The following ARHGAP26 variants were observed in gnomAD, a reference collection of about 807,000 sequenced individuals.
The protein encoded by ARHGAP26 is rho GTPase-activating protein 26.
ARHGAP26 carries 38 observed loss-of-function variants against 104.8 expected under a neutral mutation model. That is an observed-to-expected ratio of 0.36 (90% confidence interval 0.28 to 0.48). The LOEUF (loss-of-function observed/expected upper bound fraction) is 0.48, where lower values mean the gene tolerates loss of function less well. Ranked by LOEUF, ARHGAP26 falls within the 20% of genes least tolerant of loss-of-function variation. ARHGAP26 has a pLI of 0.99. For missense variants in ARHGAP26, 704 were observed against 947.9 expected, an observed-to-expected ratio of 0.74 and a Z score of 3.38; for synonymous variants, 341 against 340.0, an observed-to-expected ratio of 1.00 and a Z score of -0.03.
chr5:142,919,427 A>C (rs984596975), intron 10 of ARHGAP26: 1 of 398,442 alleles, frequency 2.5e-6, no homozygotes, highest in African/African-American at 2.1e-5. Context: ...TGAAGCAATA[A>C]ATTTCTGTTG....
chr5:142,932,191 G>T (rs999993269), intron 11 of ARHGAP26, 66 bp downstream of exon 11: 32 of 1,473,676 alleles, frequency 2.2e-5, no homozygotes, highest in Non-Finnish European at 3.0e-5. Flanking sequence ...CTTCCCTAGT[G>T]CAGTGATTTT....
intron 13 of ARHGAP26, 75 bp from the exon 14 acceptor site, chr5:143,041,741 A>AAAAT: frequency 3.0e-6 from 3 of 994,592 alleles, no homozygotes; most frequent in Admixed American, 2.8e-5. Flanking sequence ...AAAAAAAAAA[A>AAAAT]GTGCATTTGG....
At chr5:142,814,845 A>G (rs1764785263) in intron 1 of ARHGAP26, among the ~76,000 whole-genome samples, 1 of 152,216 alleles carries the variant, frequency 6.6e-6, no homozygotes, top group Admixed American at 6.5e-5. Flanking sequence ...AGATGAGATA[A>G]TGCGTTAGTG....
intron 17 of ARHGAP26, among the ~76,000 whole-genome samples, chr5:143,105,364 G>A (rs371538136): frequency 1.4e-5 from 2 of 147,136 alleles, no homozygotes; most frequent in Non-Finnish European, 1.5e-5. Flanking sequence ...CAACAAGAGC[G>A]AAGCTCCATC....
chr5:143,147,422 G>A (rs1389745680), intron 20 of ARHGAP26, 41 bp downstream of exon 20: 2 of 1,589,918 alleles, frequency 1.3e-6, no homozygotes, highest in Admixed American at 1.8e-5. Context: ...AAGGGCTTTG[G>A]TCAGCCATTC....
chr5:142,949,897 C>T (rs758836490), intron 11 of ARHGAP26, among the ~76,000 whole-genome samples: 10 of 152,214 alleles, frequency 6.6e-5, no homozygotes, highest in Non-Finnish European at 1.5e-4. Flanking sequence ...TCAAAGGGCC[C>T]TGTGGCCTAC....
intron 20 of ARHGAP26, chr5:143,165,386 C>T (rs1801795917): frequency 6.6e-6 from 1 of 152,198 alleles, no homozygotes; most frequent in Non-Finnish European, 1.5e-5. Flanking sequence ...GTTTAATGGA[C>T]TTTCTTGTAC....
rs576924439 is a variant in ARHGAP26 at position 142,802,226 on chromosome 5, A to C, written c.154+31311A>C. On this transcript the variant is annotated intron_variant, in intron 1 of 22. Coordinates refer to ENST00000645722, the MANE Select transcript of ARHGAP26 (RefSeq NM_001135608.3). ...AGATGTGTGGAAGTTGATGTTTTTCAGATTTCGTTTTCATTTTATTCTGAG... is the reference window on the plus strand; with the variant it reads ...AGATGTGTGGAAGTTGATGTTTTTCCGATTTCGTTTTCATTTTATTCTGAG... 2.0e-5 allele frequency among the ~76,000 whole-genome samples: 3 copies of C among 152,310 alleles called. No individual in the cohort carries two copies. The East Asian group carries it at 5.8e-4, about 29-fold the overall frequency.
chr5:143,044,954 A>G (rs1233727460), intron 14 of ARHGAP26, among the ~76,000 whole-genome samples: 1 of 152,238 alleles, frequency 6.6e-6, no homozygotes, highest in Admixed American at 6.5e-5. Context: ...ATGGGGGAAC[A>G]GAAGGGGCAG....
At chr5:142,970,163 T>A (rs1772043830) in intron 11 of ARHGAP26, among the ~76,000 whole-genome samples, 1 of 152,176 alleles carries the variant, frequency 6.6e-6, no homozygotes, top group Non-Finnish European at 1.5e-5. Context: ...CTGAGCCCAG[T>A]GCTGCACACA....
chr5:142,818,337 C>A (rs1271309564), intron 1 of ARHGAP26, among the ~76,000 whole-genome samples: 1 of 152,242 alleles, frequency 6.6e-6, no homozygotes, highest in African/African-American at 2.4e-5. Context: ...AGCCTCTCCC[C>A]CAGCCTCTTA....
chr5:142,894,994 G>A (rs1759260606), intron 6 of ARHGAP26, among the ~76,000 whole-genome samples: 1 of 152,220 alleles, frequency 6.6e-6, no homozygotes, highest in Non-Finnish European at 1.5e-5. Context: ...ACACCAGCAT[G>A]GTTGTGGTTT....
rs70991793 is a variant in ARHGAP26 at position 143,106,466 on chromosome 5, CT to C, written c.1539-14498del. Among the ~76,000 whole-genome samples the C allele has an allele frequency of 2.2e-3, 168 of 77,302 alleles. No individual in the cohort carries two copies. In the South Asian group the frequency reaches 0.026, roughly 12 times the overall value. The allele number at this position is 77,302 out of a possible 152,430, so 50.7% of individuals were successfully genotyped here. ...CTCCTTTGGAATACAATGCATTGGGCTTTTTTTTTTTTTTTTTTTTTTTTGA... is the reference window on the plus strand; with the variant it reads ...CTCCTTTGGAATACAATGCATTGGGCTTTTTTTTTTTTTTTTTTTTTTTGA... On this transcript the variant is annotated intron_variant, in intron 17 of 22. Coordinates refer to ENST00000645722, the MANE Select transcript of ARHGAP26 (RefSeq NM_001135608.3).
In ARHGAP26 at chr5:143,223,914, G is replaced by C. The variant is rs1036832622; in HGVS notation, c.*1468G>C. On this transcript the variant is annotated 3_prime_UTR_variant, in exon 23 of 23. Transcript: ENST00000645722. The stretch of plus-strand genomic sequence containing the variant: ...TGGCCTGCAAACAACAGAGTTATCC[G>C]TATCTTCCACATGTGAATGTCATTG... 1 of 230,990 alleles carries C rather than the reference G, an allele frequency of 4.3e-6. No individual in the cohort carries two copies. Among genetic ancestry groups the C allele is most frequent in the African/African-American group, 2.2e-5 (1 of 45,184 alleles). The allele number at this position is 230,990 out of a possible 1,614,324, so 14.3% of individuals were successfully genotyped here.
intron 20 of ARHGAP26, among the ~76,000 whole-genome samples, chr5:143,194,758 G>T (rs1348573645): frequency 6.6e-6 from 1 of 152,176 alleles, no homozygotes; most frequent in Non-Finnish European, 1.5e-5. Flanking sequence ...GGGTGATTTT[G>T]CTGGAAAATC....
rs555284528 is a variant in ARHGAP26, at chr5:143,164,566, C to G, written c.1988+17185C>G. Among the ~76,000 whole-genome samples the G allele has an allele frequency of 4.6e-5, 7 of 152,226 alleles. No homozygotes were observed. In the East Asian group the frequency reaches 1.3e-3, roughly 29 times the overall value. ...TTGCATCCATGGCTGATTTTTCTAC[C>G]CTTCTACTAGCAGCTCTTCTTCCGC... On this transcript the variant is annotated intron_variant, in intron 20 of 22. Coordinates refer to ENST00000645722, the MANE Select transcript of ARHGAP26 (RefSeq NM_001135608.3).
At chr5:142,843,259 C>T (rs1168096426) in intron 1 of ARHGAP26, among the ~76,000 whole-genome samples, 1 of 152,198 alleles carries the variant, frequency 6.6e-6, no homozygotes, top group Non-Finnish European at 1.5e-5. Context: ...GCTGTTGCTT[C>T]CCAAGCATGC....
chr5:142,853,897 T>A (rs1441240205), intron 1 of ARHGAP26, among the ~76,000 whole-genome samples: 2 of 152,128 alleles, frequency 1.3e-5, no homozygotes, highest in African/African-American at 4.8e-5. Flanking sequence ...TAGCCCTTAG[T>A]AAATGTTTAA....
chr5:143,141,552 C>A (rs114071890), intron 19 of ARHGAP26, among the ~76,000 whole-genome samples: 1,774 of 152,256 alleles, frequency 0.012, 43 homozygotes, highest in African/African-American at 0.041. Flanking sequence ...TTATTAAAAA[C>A]AAAACTCCCT....
Sources: allele counts gnomAD v4.1 joint callset (sites outside exome capture counted in the v4.1 genomes callset), GRCh38; gene constraint gnomAD v4.1.1; transcripts MANE v1.5; gene names NCBI Gene and HGNC (gene_info 2026-07-23, HGNC 2026-07-21).